SDK1: variants seen among roughly 807,000 people sequenced by gnomAD.
The protein encoded by SDK1 is sidekick cell adhesion molecule 1.
Under a neutral mutation model 245.5 loss-of-function variants are expected in SDK1, and 157 were observed. That is an observed-to-expected ratio of 0.64 (90% CI 0.56 to 0.73). The LOEUF (loss-of-function observed/expected upper bound fraction) is 0.73. SDK1 is among the 30% of genes least tolerant of loss of function. The pLI, the probability that SDK1 is intolerant of heterozygous loss-of-function variation, is 0.00. For missense variants in SDK1, 3,583 were observed against 3,002.3 expected, an observed-to-expected ratio of 1.19 and a Z score of -4.52; for synonymous variants, 1,647 against 1,278.5, an observed-to-expected ratio of 1.29 and a Z score of -6.15.
intron 5 of SDK1, among the ~76,000 whole-genome samples, chr7:3,924,809 G>A (rs1408262456): frequency 6.6e-6 from 1 of 152,160 alleles, no homozygotes; most frequent in Non-Finnish European, 1.5e-5. Context: ...CCCACTTGAA[G>A]TGTTTGTTTT....
intron 1 of SDK1, among the ~76,000 whole-genome samples, chr7:3,439,144 T>A (rs1780120219): frequency 6.6e-6 from 1 of 152,168 alleles, no homozygotes; most frequent in African/African-American, 2.4e-5. Flanking sequence ...TGAATCACCA[T>A]GCCCGGCCCC....
chr7:3,845,029 C>T (rs1021591181), intron 5 of SDK1, among the ~76,000 whole-genome samples: 1 of 152,180 alleles, frequency 6.6e-6, no homozygotes, highest in East Asian at 1.9e-4. Flanking sequence ...CTACGCTTAA[C>T]TACCTGGAGC....
chr7:4,056,815 C>CCAGACCATTCCGCCCCGGGTCCCGA (rs1562741048), intron 19 of SDK1, among the ~76,000 whole-genome samples: 1 of 152,090 alleles, frequency 6.6e-6, no homozygotes, highest in Non-Finnish European at 1.5e-5. Flanking sequence ...GTGGGTCCCA[C>CCAGACCATTCCGCCCCGGGTCCCGA]CAGACCATTC....
intron 4 of SDK1, among the ~76,000 whole-genome samples, chr7:3,810,203 T>A (rs192929293): frequency 6.6e-6 from 1 of 152,232 alleles, no homozygotes; most frequent in Non-Finnish European, 1.5e-5. Flanking sequence ...CCTCATCTAC[T>A]TTTTAGACGC....
rs78206479 is a variant in SDK1, at chr7:3,325,872, A to G, written c.298+23988A>G. On this transcript the variant is annotated intron_variant, in intron 1 of 44. Transcript: ENST00000404826. ...GTTACAGGAAAAGTGGCATGCTTTT[A>G]GAAACCATGACTAGGCTGCCTGAAT... Among the ~76,000 whole-genome samples the G allele has an allele frequency of 4.2e-3, 642 of 152,000 alleles. 3 individuals are homozygous for G. The highest frequency in any genetic ancestry group is 0.015 in the African/African-American group (602 of 41,388).
intron 4 of SDK1, among the ~76,000 whole-genome samples, chr7:3,724,768 A>G (rs773966977): frequency 6.6e-6 from 1 of 152,126 alleles, no homozygotes; most frequent in Non-Finnish European, 1.5e-5. Flanking sequence ...TCGGAAGGAA[A>G]AAGGAATGAG....
At chr7:3,494,885 C>T (rs528179078) in intron 1 of SDK1, among the ~76,000 whole-genome samples, 2 of 152,306 alleles carry the variant, frequency 1.3e-5, no homozygotes, top group East Asian at 1.9e-4. Context: ...CACTTCTGCT[C>T]CCATGGTTTC....
At chr7:4,142,612 C>T (rs1175109008) in intron 28 of SDK1, among the ~76,000 whole-genome samples, 1 of 152,170 alleles carries the variant, frequency 6.6e-6, no homozygotes, top group Non-Finnish European at 1.5e-5. Flanking sequence ...CAGCCATGAG[C>T]CACTGTGCCC....
At chr7:3,773,179 G>A (rs1357385143) in intron 4 of SDK1, among the ~76,000 whole-genome samples, 1 of 152,030 alleles carries the variant, frequency 6.6e-6, no homozygotes, top group Non-Finnish European at 1.5e-5. Context: ...TAACACATAT[G>A]TTTGTCCTCT....
rs1378229765 is a variant in SDK1 at position 3,544,598 on chromosome 7, A to G, written c.299-74482A>G. ...TTGATTCTAGATTTTAACATCTACA[A>G]GTTCAACATGAACGTCGACAGCTCA... On this transcript the variant is annotated intron_variant, in intron 1 of 44. Coordinates refer to ENST00000404826, the MANE Select transcript of SDK1 (RefSeq NM_152744.4). Among the ~76,000 whole-genome samples, 4 of 152,226 alleles carry G rather than the reference A, an allele frequency of 2.6e-5. No homozygotes were observed. The East Asian group carries it at 5.8e-4, about 22-fold the overall frequency.
intron 21 of SDK1, among the ~76,000 whole-genome samples, chr7:4,078,802 G>C (rs1033261839): frequency 6.6e-6 from 1 of 152,186 alleles, no homozygotes; most frequent in African/African-American, 2.4e-5. Flanking sequence ...CCCTCAACGG[G>C]AGGCTCATTC....
At chr7:3,609,035 G>A (rs938442494) in intron 1 of SDK1, among the ~76,000 whole-genome samples, 2 of 152,018 alleles carry the variant, frequency 1.3e-5, no homozygotes, top group Non-Finnish European at 1.5e-5. Flanking sequence ...ATTTGAAAAA[G>A]GGTTAAACAG....
Position 3,580,785 on chromosome 7 carries a change from C to T in SDK1, c.299-38295C>T, listed in dbSNP as rs183880166. On this transcript the variant is annotated intron_variant, in intron 1 of 44. Coordinates refer to ENST00000404826, the MANE Select transcript of SDK1 (RefSeq NM_152744.4). ...AGATTGAGACGATCCTGGCTAACACCGTGAAACCCCATTTCCACTAAAAAT... is the reference window on the plus strand; with the variant it reads ...AGATTGAGACGATCCTGGCTAACACTGTGAAACCCCATTTCCACTAAAAAT... Among the ~76,000 whole-genome samples the T allele has an allele frequency of 1.3e-4, 19 of 151,764 alleles. No individual in the cohort carries two copies. In the South Asian group the frequency reaches 2.5e-3, roughly 20 times the overall value.
intron 1 of SDK1, among the ~76,000 whole-genome samples, chr7:3,336,760 A>G (rs1780211174): frequency 6.6e-6 from 1 of 152,208 alleles, no homozygotes; most frequent in African/African-American, 2.4e-5. Flanking sequence ...GGCAACAGAA[A>G]TGGTGAGTTG....
At chr7:4,194,514 T>A (rs1204555746) in intron 35 of SDK1, among the ~76,000 whole-genome samples, 1 of 151,916 alleles carries the variant, frequency 6.6e-6, no homozygotes, top group Non-Finnish European at 1.5e-5. Flanking sequence ...AGTATTAACT[T>A]ACAGGATCAT....
intron 5 of SDK1, among the ~76,000 whole-genome samples, chr7:3,833,260 G>T (rs554946714): frequency 6.6e-6 from 1 of 152,270 alleles, no homozygotes; most frequent in African/African-American, 2.4e-5. Flanking sequence ...GCGAGCATCC[G>T]GCTGGCCCCG....
intron 44 of SDK1, among the ~76,000 whole-genome samples, chr7:4,250,537 G>T (rs141783373): frequency 1.2e-3 from 185 of 152,188 alleles, no homozygotes; most frequent in African/African-American, 4.2e-3. Flanking sequence ...TAGAGACAGG[G>T]TTTTGCCATA....
At chr7:3,817,217 A>C (rs954750786) in intron 4 of SDK1, among the ~76,000 whole-genome samples, 1 of 152,208 alleles carries the variant, frequency 6.6e-6, no homozygotes, top group Admixed American at 6.5e-5. Flanking sequence ...TGTTCACATC[A>C]TGAAAATATT....
intron 1 of SDK1, among the ~76,000 whole-genome samples, chr7:3,362,905 A>T (rs1780991680): frequency 6.6e-6 from 1 of 152,244 alleles, no homozygotes; most frequent in African/African-American, 2.4e-5. Flanking sequence ...GTCACTTAAA[A>T]ATATCCACTT....
Sources: gnomAD v4.1 joint callset for allele counts (sites outside exome capture counted in the v4.1 genomes callset) on GRCh38, gnomAD v4.1.1 for gene constraint, MANE v1.5 for transcripts, NCBI Gene and HGNC (gene_info 2026-07-23, HGNC 2026-07-21) for gene names.